DLGAP2: variants seen among roughly 807,000 people sequenced by gnomAD.
DLGAP2 encodes DLG associated protein 2.
In DLGAP2, 26 loss-of-function variants were observed where a neutral mutation model predicts 100.3. The ratio of observed to expected loss-of-function variants is 0.26; its 90% CI spans 0.19 to 0.36. DLGAP2 has a LOEUF of 0.36. Among genes scored for constraint, DLGAP2 ranks in the 10% least tolerant of loss-of-function variants. The probability of loss-of-function intolerance (pLI) is 1.00; values close to 1 mark genes in which losing one functional copy is unlikely to be tolerated. For missense variants in DLGAP2, 1,858 were observed against 1,453.2 expected, an observed-to-expected ratio of 1.28 and a Z score of -4.53; for synonymous variants, 886 against 630.1, an observed-to-expected ratio of 1.41 and a Z score of -6.08.
At chr8:1,524,375 T>A (rs188508083) in intron 4 of DLGAP2, among the ~76,000 whole-genome samples, 1 of 152,168 alleles carries the variant, frequency 6.6e-6, no homozygotes, top group Non-Finnish European at 1.5e-5. Flanking sequence ...TTCCAAGCAG[T>A]GTGAGTCACA....
intron 4 of DLGAP2, among the ~76,000 whole-genome samples, chr8:1,511,849 T>A (rs992928241): frequency 1.3e-5 from 2 of 152,240 alleles, no homozygotes; most frequent in African/African-American, 2.4e-5. Context: ...GTAGGTCACA[T>A]GAGCAAAGGT....
At chr8:1,577,043 AC>A (rs1220355451) in intron 6 of DLGAP2, among the ~76,000 whole-genome samples, 1 of 152,220 alleles carries the variant, frequency 6.6e-6, no homozygotes, top group Non-Finnish European at 1.5e-5. Context: ...AGTAACCGAG[AC>A]AGGAGGATAT....
At chr8:764,374 C>A (rs1029727492) in intron 1 of DLGAP2, among the ~76,000 whole-genome samples, 1 of 152,192 alleles carries the variant, frequency 6.6e-6, no homozygotes, top group African/African-American at 2.4e-5. Flanking sequence ...ATGAACTACT[C>A]CATCCATCCG....
At chr8:868,197 T>C (rs944691713) in intron 1 of DLGAP2, among the ~76,000 whole-genome samples, 18 of 152,226 alleles carry the variant, frequency 1.2e-4, no homozygotes, top group African/African-American at 4.3e-4. Context: ...GGAAGAAGAT[T>C]GTTTTTTATT....
chr8:1,128,160 G>A (rs560979801), intron 2 of DLGAP2, among the ~76,000 whole-genome samples: 1 of 150,244 alleles, frequency 6.7e-6, no homozygotes, highest in East Asian at 2.0e-4. Context: ...ACCTGCTCCC[G>A]GTGTTGTGTT....
At chr8:916,147 G>A (rs569848318) in intron 2 of DLGAP2, among the ~76,000 whole-genome samples, 8 of 152,220 alleles carry the variant, frequency 5.3e-5, no homozygotes, top group South Asian at 4.2e-4. Context: ...TAGACGCTCC[G>A]CACTCTCTTT....
At chr8:1,079,712 C>T (rs1249687778) in intron 2 of DLGAP2, among the ~76,000 whole-genome samples, 1 of 152,020 alleles carries the variant, frequency 6.6e-6, no homozygotes, top group South Asian at 2.1e-4. Context: ...GGTTATAATC[C>T]AGTTGGGAGG....
At chr8:814,691 CAAAAAAA>C (rs879636608) in intron 1 of DLGAP2, among the ~76,000 whole-genome samples, 1 of 140,400 alleles carries the variant, frequency 7.1e-6, no homozygotes, top group Non-Finnish European at 1.6e-5. Flanking sequence ...ACTAAAAATA[CAAAAAAA>C]AAAAATTAGC....
intron 1 of DLGAP2, among the ~76,000 whole-genome samples, chr8:834,151 A>C (rs1406231880): frequency 6.6e-6 from 1 of 152,194 alleles, no homozygotes; most frequent in African/African-American, 2.4e-5. Flanking sequence ...ATGCGATCCT[A>C]TTCAGTCATT....
intron 3 of DLGAP2, among the ~76,000 whole-genome samples, chr8:1,314,306 C>T (rs1291068897): frequency 6.6e-6 from 1 of 152,168 alleles, no homozygotes; most frequent in African/African-American, 2.4e-5. Context: ...TTTCTTTGCA[C>T]CTGGAATTCC....
chr8:748,642 C>T (rs1820713702), intron 1 of DLGAP2, among the ~76,000 whole-genome samples: 1 of 152,186 alleles, frequency 6.6e-6, no homozygotes, highest in East Asian at 1.9e-4. Flanking sequence ...GGGTGACATC[C>T]AGCCCTGCGG....
chr8:936,515 G>A (rs1200344873), intron 2 of DLGAP2, among the ~76,000 whole-genome samples: 2 of 152,182 alleles, frequency 1.3e-5, no homozygotes, highest in Non-Finnish European at 2.9e-5. Context: ...AGGACGCATG[G>A]CTCCTGGGCT....
Position 1,701,335 on chromosome 8 carries a change from C to G in DLGAP2, c.3097C>G (p.Arg1033Gly). The G allele has an allele frequency of 6.3e-7, 1 of 1,593,118 alleles. No individual in the cohort carries two copies. The highest frequency in any genetic ancestry group is 8.5e-7 in the Non-Finnish European group (1 of 1,170,530). The change falls in exon 15 of 15, where the codon CGG (arginine) becomes GGG (glycine). Residue 1033 changes from arginine (R) to glycine (G), a missense_variant. Arg to Gly is a moderately radical substitution (Grantham distance 125). Transcript: ENST00000637795. ...GGCCGCCAAGCGAGCGGCGTCCTTC[C>G]GGCAGAATTCCGCCTCCGAGCGCGC... ...LMAAKRAASF[R>G]QNSASERADS...
intron 2 of DLGAP2, among the ~76,000 whole-genome samples, chr8:961,431 C>T (rs1799723159): frequency 6.6e-6 from 1 of 152,128 alleles, no homozygotes; most frequent in African/African-American, 2.4e-5. Context: ...TCCCTGTTTG[C>T]CGAGGTTCTG....
rs563036576 is a variant in DLGAP2 at position 1,037,979 on chromosome 8, G to A, written c.73+130013G>A. On this transcript the variant is annotated intron_variant, in intron 2 of 14. Coordinates refer to ENST00000637795, the MANE Select transcript of DLGAP2 (RefSeq NM_001346810.2). ...CGCTAAGCTGAGGTTTTGTAGACAC[G>A]GAGGAGGTTGGTGTCCATAGTGTGT... 4.6e-5 allele frequency among the ~76,000 whole-genome samples: 7 copies of A among 152,338 alleles called. 1 individual carries two copies. Among genetic ancestry groups the A allele is most frequent in the East Asian group, 3.9e-4 (2 of 5,180 alleles).
At chr8:786,398 T>C (rs1264517297) in intron 1 of DLGAP2, among the ~76,000 whole-genome samples, 2 of 152,084 alleles carry the variant, frequency 1.3e-5, no homozygotes, top group African/African-American at 4.8e-5. Flanking sequence ...ACAGCCACCA[T>C]TTTCGTCGAT....
At chr8:1,522,229 G>A (rs115583384) in intron 4 of DLGAP2, among the ~76,000 whole-genome samples, 2,353 of 152,294 alleles carry the variant, frequency 0.015, 58 homozygotes, top group African/African-American at 0.047. Flanking sequence ...TTCCCAGTTG[G>A]GTTTGATGCA....
chr8:860,768 C>T (rs187033151), intron 1 of DLGAP2, among the ~76,000 whole-genome samples: 97 of 152,264 alleles, frequency 6.4e-4, no homozygotes, highest in Non-Finnish European at 9.8e-4. Context: ...GATGGAGACA[C>T]GGCAGGTAGC....
At chr8:1,699,813 A>G (rs11777065) in intron 14 of DLGAP2, among the ~76,000 whole-genome samples, 97,070 of 151,978 alleles carry the variant, frequency 0.64, 31,704 homozygotes, top group African/African-American at 0.78. Flanking sequence ...TGCCACACCC[A>G]CAGGCCTGGA....
Sources: allele counts gnomAD v4.1 joint callset (sites outside exome capture counted in the v4.1 genomes callset), GRCh38; gene constraint gnomAD v4.1.1; transcripts MANE v1.5; gene names NCBI Gene and HGNC (gene_info 2026-07-23, HGNC 2026-07-21).